Variants in EML1 observed in about 807,000 individuals in gnomAD.
EML1 encodes the protein EMAP like 1.
A neutral mutation model predicts 110.4 loss-of-function variants in EML1; 27 were observed. The ratio of observed to expected loss-of-function variants is 0.24; its 90% confidence interval spans 0.18 to 0.34. EML1 has a LOEUF of 0.34. Among genes scored for constraint, EML1 ranks in the 10% least tolerant of loss-of-function variants. The pLI is 1.00. For synonymous variants in EML1, 344 were observed against 385.8 expected (o/e 0.89, Z 1.27); for missense variants, 741 against 1,030.9 (o/e 0.72, Z 3.85).
At chr14:99,862,927 AC>A (rs1282374603) in intron 2 of EML1, among the ~76,000 whole-genome samples, 1 of 152,056 alleles carries the variant, frequency 6.6e-6, no homozygotes, top group Non-Finnish European at 1.5e-5. Flanking sequence ...GTTTATACTA[AC>A]CTGTGTGTGT....
chr14:99,934,723 T>G (rs980812148), intron 17 of EML1, among the ~76,000 whole-genome samples: 4 of 152,196 alleles, frequency 2.6e-5, no homozygotes, highest in Admixed American at 1.3e-4. Flanking sequence ...GCTCCAGGTT[T>G]CCAGTCCTTC....
rs80086188 is a variant in EML1 at position 99,755,156 on chromosome 14, G to C, written c.28+17296G>C. 1.0e-2 allele frequency among the ~76,000 whole-genome samples: 1,520 copies of C among 152,340 alleles called. 16 individuals carry two copies. The highest frequency in any genetic ancestry group is 0.035 in the Admixed American group (528 of 15,302). On this transcript the variant is annotated intron_variant, in intron 1 of 10. Coordinates refer to the EML1 transcript ENST00000554479. ...GCTGGGGCCTCTGGGCCCAATCCCT[G>C]CTGGCAACCAAAGGGTGGCATGAAT...
At position 99,939,487 on chromosome 14, in the gene EML1, T is replaced by C. The variant is rs2060540344; in HGVS notation, c.2322+160T>C. 6.6e-6 allele frequency among the ~76,000 whole-genome samples: 1 copy of C among 152,148 alleles called. No homozygotes were observed. The highest frequency in any genetic ancestry group is 1.5e-5 in the Non-Finnish European group (1 of 68,030). ...GCGCCCTGAGCACTTCCAGCCGCCC[T>C]TAGGGAAACCCCAAGCCCCACAGGA... On this transcript the variant is annotated intron_variant, in intron 21 of 21. Coordinates refer to ENST00000262233, the MANE Select transcript of EML1 (RefSeq NM_004434.3). The surrounding 1 kb of genome is among the most constrained non-coding windows in gnomAD (Gnocchi z 4.2).
At chr14:99,860,507 C>G (rs963102848) in intron 2 of EML1, among the ~76,000 whole-genome samples, 1 of 152,152 alleles carries the variant, frequency 6.6e-6, no homozygotes, top group Admixed American at 6.5e-5. Flanking sequence ...AGACTCAACA[C>G]TAGGAGGTAT....
intron 1 of EML1, among the ~76,000 whole-genome samples, chr14:99,830,660 C>T (rs1183308298): frequency 2.0e-5 from 3 of 152,144 alleles, no homozygotes; most frequent in Non-Finnish European, 4.4e-5. Context: ...AAGCAATTCT[C>T]CTGCCTCAGC....
intron 9 of EML1, among the ~76,000 whole-genome samples, chr14:99,902,681 G>A (rs1347266533): frequency 2.0e-5 from 3 of 152,158 alleles, no homozygotes; most frequent in Non-Finnish European, 4.4e-5. Context: ...TGTTCCATAA[G>A]GAATCTCAGA....
intron 9 of EML1, among the ~76,000 whole-genome samples, chr14:99,903,638 A>G (rs1473539568): frequency 6.6e-6 from 1 of 152,248 alleles, no homozygotes. Context: ...TAACATATTT[A>G]TACAAATACA....
chr14:99,903,660 G>A (rs1181217027), intron 9 of EML1, among the ~76,000 whole-genome samples: 1 of 151,966 alleles, frequency 6.6e-6, no homozygotes, highest in East Asian at 1.9e-4. Context: ...CCCAAAGAAA[G>A]CCAATTTCCT....
At chr14:99,739,164 G>C (rs1188838212) in intron 1 of EML1, among the ~76,000 whole-genome samples, 1 of 149,854 alleles carries the variant, frequency 6.7e-6, no homozygotes, top group Non-Finnish European at 1.5e-5. Flanking sequence ...GTTGGGGAGG[G>C]GTACATTGAC....
At chr14:99,772,008 C>T (rs1170372458), upstream of EML1, among the ~76,000 whole-genome samples, 4 of 152,162 alleles carry the variant, frequency 2.6e-5, no homozygotes, top group Non-Finnish European at 4.4e-5. Context: ...TGGGTTATCT[C>T]AGGATTGGTA....
intron 1 of EML1, among the ~76,000 whole-genome samples, chr14:99,797,833 G>A (rs977224999): frequency 1.3e-5 from 2 of 152,216 alleles, no homozygotes; most frequent in Non-Finnish European, 2.9e-5. Context: ...AGGTTACCCA[G>A]GAACCCAATG....
chr14:99,875,183 C>T (rs1263752006), intron 3 of EML1, among the ~76,000 whole-genome samples: 1 of 152,052 alleles, frequency 6.6e-6, no homozygotes, highest in African/African-American at 2.4e-5. Flanking sequence ...TATACTTTGG[C>T]GGTTCATAAA....
At chr14:99,767,118 G>A (rs1368314915) in intron 1 of EML1, among the ~76,000 whole-genome samples, 1 of 152,160 alleles carries the variant, frequency 6.6e-6, no homozygotes, top group Non-Finnish European at 1.5e-5. Flanking sequence ...CTTATTTCAC[G>A]GAAACGAGAT....
upstream of EML1, among the ~76,000 whole-genome samples, chr14:99,790,442 G>A (rs371750665): frequency 5.3e-5 from 8 of 151,864 alleles, no homozygotes; most frequent in African/African-American, 1.5e-4. Flanking sequence ...GGCCCAAGTC[G>A]TCCTCGCACC....
intron 1 of EML1, among the ~76,000 whole-genome samples, chr14:99,849,125 A>G (rs138889827): frequency 0.01 from 1,598 of 152,274 alleles, 21 homozygotes; most frequent in African/African-American, 0.036. Context: ...AGCCTGAAGA[A>G]CTTTCATTAG....
rs753481337 is a variant in EML1 at position 99,897,151 on chromosome 14, G to A, written c.684G>A (p.Gly228=). 26 of 1,601,672 alleles carry A rather than the reference G, an allele frequency of 1.6e-5. No individual in the cohort carries two copies. In the South Asian group the frequency reaches 2.6e-4, roughly 16 times the overall value. Reference sequence around the variant, plus strand: ...TATCTTGACATCCACAAAGCTATGGGTACAGGGGTCGAGACTGCCGTAACA... The same window carrying A: ...TATCTTGACATCCACAAAGCTATGGATACAGGGGTCGAGACTGCCGTAACA... ...TKRLKLEWVY[G]YRGRDCRNNL... is the part of the protein sequence containing the mutation. The change falls in exon 7 of 22, where the codon GGG becomes GGA. Residue 228 remains glycine, a synonymous_variant. Coordinates refer to ENST00000262233, the MANE Select transcript of EML1 (RefSeq NM_004434.3).
chr14:99,805,641 A>AT (rs1346590236), intron 1 of EML1, among the ~76,000 whole-genome samples: 3 of 151,796 alleles, frequency 2.0e-5, no homozygotes, highest in African/African-American at 2.4e-5. Context: ...TGCCCAGCTA[A>AT]TTTTTTTATT....
At chr14:99,740,778 TTCTC>T (rs2057033263) in intron 1 of EML1, among the ~76,000 whole-genome samples, 1 of 152,200 alleles carries the variant, frequency 6.6e-6, no homozygotes, top group Admixed American at 6.5e-5. Flanking sequence ...GGTTCGTCAA[TTCTC>T]TCACTGGGTC....
At chr14:99,776,161 C>T (rs2057479970) in intron 1 of EML1, among the ~76,000 whole-genome samples, 1 of 152,110 alleles carries the variant, frequency 6.6e-6, no homozygotes. Context: ...ACAGATGAAG[C>T]TGAAAGGAAG....
Sources: allele counts gnomAD v4.1 joint callset (sites outside exome capture counted in the v4.1 genomes callset), GRCh38; gene constraint gnomAD v4.1.1; non-coding constraint Gnocchi (gnomAD v3.1); transcripts MANE v1.5; gene names NCBI Gene and HGNC (gene_info 2026-07-23, HGNC 2026-07-21).